Variants in DHDH observed in about 807,000 individuals in gnomAD.
DHDH encodes trans-1,2-dihydrobenzene-1,2-diol dehydrogenase.
Under a neutral mutation model 33.2 loss-of-function variants are expected in DHDH, and 29 were observed. The ratio of observed to expected loss-of-function variants is 0.87; its 90% CI spans 0.65 to 1.19. DHDH has a LOEUF of 1.19. DHDH is among the 50% of genes most tolerant of loss of function. The probability of loss-of-function intolerance (pLI) is 0.00; values close to 1 mark genes in which losing one functional copy is unlikely to be tolerated. For synonymous variants in DHDH, 201 were observed against 187.9 expected, an observed-to-expected ratio of 1.07 and a Z score of -0.57; for missense variants, 431 against 455.0, an observed-to-expected ratio of 0.95 and a Z score of 0.48.
chr19:48,936,324 C>A, intron 3 of DHDH, 129 bp downstream of exon 3: 2 of 1,262,242 alleles, frequency 1.6e-6, no homozygotes, highest in South Asian at 1.7e-5. Context: ...CATCTATTAC[C>A]GTGAAAGCCA....
Position 48,944,834 on chromosome 19 carries a change from A to C in DHDH, c.906A>C (p.Glu302Asp), listed in dbSNP as rs749248433. The C allele has an allele frequency of 6.2e-7, 1 of 1,613,378 alleles. No individual in the cohort carries two copies. The highest frequency in any genetic ancestry group is 8.5e-7 in the Non-Finnish European group (1 of 1,179,926). The change falls in exon 7 of 7, where the codon GAA becomes GAC. Residue 302 changes from glutamate to aspartate, a missense_variant. Physicochemically the swap from Glu to Asp is conservative, Grantham distance 45 (BLOSUM62 2). Transcript: ENST00000221403. ...ACACTCTCCCCACAGGTATGAAGGA[A>C]AGTCCTGTGATTCCCCTGTCGGAAA... is the stretch of plus-strand genomic sequence containing the variant. ...VWECLRKGMKESPVIPLSESE... is the reference protein window; with the variant it reads ...VWECLRKGMKDSPVIPLSESE...
intron 4 of DHDH, 21 bp from the exon 5 acceptor site, chr19:48,942,419 T>TGAGA: frequency 6.3e-7 from 1 of 1,588,872 alleles, no homozygotes; most frequent in East Asian, 2.3e-5. Context: ...GACCCTGCCC[T>TGAGA]GACCCAGGAC....
chr19:48,936,195 G>A lies in DHDH; in HGVS notation c.366G>A (p.Glu122=), dbSNP rs937968337. Residue 122 remains glutamate, a splice_region_variant and synonymous_variant, in exon 3 of 7, where the codon GAG becomes GAA. Transcript: ENST00000221403. ...GATCCCGAGCCCTCTTCCTTATGGA[G>A]GTGAGGGCAGAGGAGCCCTTCCAAT... ...EARSRALFLM[E]AIWTRFFPAS... is the part of the protein sequence containing the mutation. The A allele has an allele frequency of 1.3e-6, 2 of 1,585,598 alleles. No homozygotes were observed. The highest frequency in any genetic ancestry group is 2.7e-5 in the African/African-American group (2 of 74,576).
rs1451425597 is a variant in DHDH at position 48,935,026 on chromosome 19, G to C, written c.117G>C (p.Leu39=). The change falls in exon 2 of 7, where the codon CTG becomes CTC. Residue 39 remains leucine, a synonymous_variant. Coordinates refer to ENST00000221403, the MANE Select transcript of DHDH (RefSeq NM_014475.4). Reference sequence around the variant, plus strand: ...TGGTGGCGGTGGCGGCCCGCGATCTGAGCCGTGCGAAGGAGTTTGCACAGA... The same window carrying C: ...TGGTGGCGGTGGCGGCCCGCGATCTCAGCCGTGCGAAGGAGTTTGCACAGA... ...HQVVAVAARD[L]SRAKEFAQKH... 6.3e-7 allele frequency: 1 copy of C among 1,580,218 alleles called. No homozygotes were observed. The highest frequency in any genetic ancestry group is 1.8e-5 in the Admixed American group (1 of 55,418).
upstream of DHDH, among the ~76,000 whole-genome samples, chr19:48,933,144 C>A (rs188584195): frequency 6.6e-6 from 1 of 152,134 alleles, no homozygotes; most frequent in Non-Finnish European, 1.5e-5. Flanking sequence ...TCTGTTTCCC[C>A]CTTTGTGAAC....
rs750954522 is a variant in DHDH at position 48,936,175 on chromosome 19, C to T, written c.346C>T (p.Arg116Ter). 9 of 1,599,188 alleles carry T rather than the reference C, an allele frequency of 5.6e-6. No homozygotes were observed. In the African/African-American group the frequency reaches 8.0e-5, roughly 14 times the overall value. The change falls in exon 3 of 7, where the codon CGA (arginine) becomes TGA (stop). Residue 116 changes from arginine (R) to a stop codon, truncating the protein, a stop_gained. Coordinates refer to ENST00000221403, the MANE Select transcript of DHDH (RefSeq NM_014475.4). LOFTEE classifies it high-confidence loss of function. Reference protein sequence around the residue: ...VREMVAEARSRALFLMEAIWT... With the variant: ...VREMVAEARS ...CGAGATGGTCGCGGAGGCCCGATCCCGAGCCCTCTTCCTTATGGAGGTGAG... is the reference window on the plus strand; with the variant it reads ...CGAGATGGTCGCGGAGGCCCGATCCTGAGCCCTCTTCCTTATGGAGGTGAG...
intron 4 of DHDH, among the ~76,000 whole-genome samples, chr19:48,941,738 A>G (rs190479248): frequency 6.6e-6 from 1 of 151,144 alleles, no homozygotes; most frequent in Non-Finnish European, 1.5e-5. Flanking sequence ...CAGTGGCACA[A>G]TCATTGCTCA....
At chr19:48,942,063 A>G (rs1046336914) in intron 4 of DHDH, among the ~76,000 whole-genome samples, 1 of 149,732 alleles carries the variant, frequency 6.7e-6, no homozygotes, top group Non-Finnish European at 1.5e-5. Flanking sequence ...GCTGGAGTGC[A>G]GTGGTGCCAT....
intron 4 of DHDH, among the ~76,000 whole-genome samples, chr19:48,942,178 G>T (rs575764672): frequency 6.6e-6 from 1 of 152,098 alleles, no homozygotes; most frequent in African/African-American, 2.4e-5. Context: ...CTAATTTTTT[G>T]TATCTTTAGT....
chr19:48,943,065 A>ATAT (rs1555794079), intron 5 of DHDH, among the ~76,000 whole-genome samples: 46 of 147,278 alleles, frequency 3.1e-4, no homozygotes, highest in Admixed American at 4.1e-4. Flanking sequence ...CAAAAAAAAA[A>ATAT]ATATATATAT....
chr19:48,940,728 G>A (rs1056230651), intron 4 of DHDH, among the ~76,000 whole-genome samples: 38 of 152,136 alleles, frequency 2.5e-4, no homozygotes, highest in African/African-American at 7.7e-4. Context: ...GTGGTGGTGT[G>A]CACCTATAGT....
At chr19:48,938,239 G>A (rs550710908) in intron 3 of DHDH, among the ~76,000 whole-genome samples, 3 of 152,116 alleles carry the variant, frequency 2.0e-5, no homozygotes, top group African/African-American at 7.2e-5. Context: ...TGAGATTACA[G>A]GCATGCACCA....
chr19:48,941,464 G>A (rs1204089879), intron 4 of DHDH, among the ~76,000 whole-genome samples: 8 of 151,968 alleles, frequency 5.3e-5, no homozygotes, highest in Middle Eastern at 3.2e-3. Context: ...ACACTGCAGC[G>A]TCAACCTCCT....
chr19:48,939,478 C>G lies in DHDH; in HGVS notation c.396C>G (p.Ser132=). ...TCTGGACCCGCTTCTTTCCTGCCTC[C>G]GAGGCTCTGAGGTCTGTTTTGGCCC... is the stretch of plus-strand genomic sequence containing the variant. ...EAIWTRFFPA[S]EALRSVLAQG... Residue 132 remains serine, a synonymous_variant, in exon 4 of 7, where the codon TCC becomes TCG. Coordinates refer to ENST00000221403, the MANE Select transcript of DHDH (RefSeq NM_014475.4). The G allele has an allele frequency of 6.2e-7, 1 of 1,613,272 alleles. No individual in the cohort carries two copies. Among genetic ancestry groups the G allele is most frequent in the Non-Finnish European group, 8.5e-7 (1 of 1,179,476 alleles).
intron 3 of DHDH, among the ~76,000 whole-genome samples, chr19:48,939,066 T>A (rs2037819959): frequency 6.6e-6 from 1 of 152,072 alleles, no homozygotes; most frequent in Admixed American, 6.6e-5. Flanking sequence ...GAATTGTGTT[T>A]GGCAGGGCAG....
chr19:48,940,626 C>T (rs555370457), intron 4 of DHDH, among the ~76,000 whole-genome samples: 32 of 151,718 alleles, frequency 2.1e-4, no homozygotes, highest in East Asian at 5.9e-4. Context: ...GGCTGAGGTG[C>T]GCGGATCACT....
chr19:48,942,376 G>A, intron 4 of DHDH, 64 bp from the exon 5 acceptor site: 1 of 1,439,866 alleles, frequency 6.9e-7, no homozygotes, highest in African/African-American at 1.4e-5. Context: ...CAGGATTTGG[G>A]GCCTGTGCAG....
chr19:48,940,996 CAA>C (rs35826547), intron 4 of DHDH, among the ~76,000 whole-genome samples: 24 of 139,390 alleles, frequency 1.7e-4, no homozygotes, highest in East Asian at 2.1e-4. Flanking sequence ...GACCCTGTCT[CAA>C]AAAAAAAAAA....
intron 4 of DHDH, among the ~76,000 whole-genome samples, chr19:48,940,762 GGGA>G (rs2037847551): frequency 6.6e-6 from 1 of 152,074 alleles, no homozygotes; most frequent in South Asian, 2.1e-4. Flanking sequence ...AAGGTGAGGT[GGGA>G]GGATCAATTG....
Sources: allele counts gnomAD v4.1 joint callset (sites outside exome capture counted in the v4.1 genomes callset), GRCh38; gene constraint gnomAD v4.1.1; transcripts MANE v1.5; gene names NCBI Gene and HGNC (gene_info 2026-07-23, HGNC 2026-07-21).